TTN: variants seen among roughly 807,000 people sequenced by gnomAD.
TTN encodes titin, also known as connectin.
TTN carries 1,525 observed loss-of-function variants against 3,223.0 expected under a neutral mutation model. The observed-to-expected ratio is 0.47, with a 90% CI of 0.45 to 0.49. The LOEUF is 0.49. Among genes scored for constraint, TTN ranks in the 20% least tolerant of loss-of-function variants. The probability of loss-of-function intolerance (pLI) is 0.00; values close to 1 mark genes in which losing one functional copy is unlikely to be tolerated. For missense variants in TTN, 40,786 were observed against 43,424.0 expected, an observed-to-expected ratio of 0.94 and a Z score of 5.40; for synonymous variants, 14,094 against 15,161.0, an observed-to-expected ratio of 0.93 and a Z score of 5.17.
chr2:178,538,155 G>T, intron 354 of TTN: 2 of 536,722 alleles, frequency 3.7e-6, no homozygotes, highest in South Asian at 2.9e-5. Context: ...GATTGGAAGG[G>T]GATTAATAAT....
At chr2:178,643,407 A>T (rs967218229) in intron 218 of TTN, among the ~76,000 whole-genome samples, 4 of 151,932 alleles carry the variant, frequency 2.6e-5, no homozygotes, top group Admixed American at 1.3e-4. Context: ...AAAGTTAAAC[A>T]TTACGTATTT....
rs548189007 is a variant in TTN at position 178,572,156 on chromosome 2, C to G, written c.73976G>C (p.Gly24659Ala). Residue 24659 changes from glycine (G) to alanine (A), a missense_variant, in exon 326 of 363, where the codon GGC (glycine) becomes GCC (alanine). Transcript: ENST00000589042. ...GGCACACGTGGCCCATTTGTCACTG[C>G]CTTTGGTCTGCATCTCCACAATGTA... ...LGYIVEMQTK[G>A]SDKWATCATV... is the part of the protein sequence containing the mutation. 17 of 1,613,434 alleles carry G rather than the reference C, an allele frequency of 1.1e-5. No homozygotes were observed. The African/African-American group carries it at 1.1e-4, about 10-fold the overall frequency.
rs771927358 is a variant in TTN, at chr2:178,631,307, G to A, written c.43748-7C>T. On this transcript the variant is annotated splice_region_variant and splice_polypyrimidine_tract_variant and intron_variant, in intron 236 of 362. Coordinates refer to ENST00000589042, the MANE Select transcript of TTN (RefSeq NM_001267550.2). Reference sequence around the variant, plus strand: ...GTAAAATATGGGTCTCCCTCTGCAAGTAAAGTATAAGTGAAAAGCTTTTAT... The same window carrying A: ...GTAAAATATGGGTCTCCCTCTGCAAATAAAGTATAAGTGAAAAGCTTTTAT... 76 of 1,599,786 alleles carry A rather than the reference G, an allele frequency of 4.8e-5. No homozygotes were observed. Among genetic ancestry groups the A allele is most frequent in the Non-Finnish European group, 4.0e-5 (47 of 1,175,650 alleles).
At chr2:178,746,978 T>C in intron 47 of TTN, 1 of 1,613,516 alleles carries the variant, frequency 6.2e-7, no homozygotes, top group Non-Finnish European at 8.5e-7. Flanking sequence ...TGGTGTACCG[T>C]CTTCCCTTTC....
chr2:178,792,158 C>T lies in TTN; in HGVS notation c.1576G>A (p.Val526Ile). ...ETEKTFVPKV[V>I]ISAAKAKEQE... ...TCTTTGGCTTTAGCTGCGGAAATTA[C>T]TACCTTTGGTACAAATGTTTTTTCA... Residue 526 changes from valine (V) to isoleucine (I), a missense_variant, in exon 10 of 363, where the codon GTA (valine) becomes ATA (isoleucine). Val to Ile is a conservative substitution (Grantham distance 29). Coordinates refer to ENST00000589042, the MANE Select transcript of TTN (RefSeq NM_001267550.2). 6.2e-7 allele frequency: 1 copy of T among 1,611,510 alleles called. No homozygotes were observed. The highest frequency in any genetic ancestry group is 8.5e-7 in the Non-Finnish European group (1 of 1,179,386).
rs1306678008 is a variant in TTN at position 178,544,286 on chromosome 2, A to G, written c.95943T>C (p.Tyr31981=). The G allele has an allele frequency of 1.2e-6, 2 of 1,613,826 alleles. No individual in the cohort carries two copies. Among genetic ancestry groups the G allele is most frequent in the Admixed American group, 1.7e-5 (1 of 60,012 alleles). The change falls in exon 345 of 363, where the codon TAT becomes TAC. Residue 31981 remains tyrosine, a synonymous_variant. Coordinates refer to ENST00000589042, the MANE Select transcript of TTN (RefSeq NM_001267550.2). ...TVPDLKMGQK[Y]SFRVAAVNVK... The stretch of plus-strand genomic sequence containing the variant: ...CGTTCACGGCAGCAACTCTGAAGGA[A>G]TATTTCTGGCCCATTTTAAGGTCTG...
At chr2:178,536,632 CTTAT>C in intron 356 of TTN, 57 bp from the exon 357 acceptor site, 1 of 1,389,840 alleles carries the variant, frequency 7.2e-7, no homozygotes, top group Non-Finnish European at 9.5e-7. Flanking sequence ...TTTATTAAAG[CTTAT>C]TTTTTTAAAA....
At chr2:178,604,635 G>T (rs1044555017) in intron 281 of TTN, 73 bp downstream of exon 281, 10 of 1,433,008 alleles carry the variant, frequency 7.0e-6, no homozygotes, top group Non-Finnish European at 9.4e-6. Flanking sequence ...AAATTCCAAG[G>T]TTATATTAAA....
At chr2:178,770,757 C>T in intron 34 of TTN, 82 bp from the exon 35 acceptor site, 1 of 1,515,388 alleles carries the variant, frequency 6.6e-7, no homozygotes, top group South Asian at 1.1e-5. Context: ...TCATTGCTTA[C>T]TCACCCTGCA....
In TTN at chr2:178,731,109, A is replaced by T; in HGVS notation, c.17556T>A (p.Ile5852=). ...LQVKFSGTKE[I]TAKWFKDGQE... is the part of the protein sequence containing the mutation. Reference sequence around the variant, plus strand: ...GGCCATCTTTAAACCATTTGGCTGTAATCTCCTTAGTCCCTGAAAATTTAA... The same window carrying T: ...GGCCATCTTTAAACCATTTGGCTGTTATCTCCTTAGTCCCTGAAAATTTAA... The change falls in exon 60 of 363, where the codon ATT becomes ATA. Residue 5852 remains isoleucine (I), a synonymous_variant. Coordinates refer to ENST00000589042, the MANE Select transcript of TTN (RefSeq NM_001267550.2). The T allele has an allele frequency of 6.2e-7, 1 of 1,613,714 alleles. No homozygotes were observed.
chr2:178,677,741 T>A lies in TTN; in HGVS notation c.34171A>T (p.Ile11391Phe). The change falls in exon 146 of 363, where the codon ATT becomes TTT. Residue 11391 changes from isoleucine (I) to phenylalanine (F), a missense_variant. Transcript: ENST00000589042. ...GGAACTTCCTCTTCCTCAGGTGGAA[T>A]TTCCTCTTCTTCAGGTAGAACTTCC... Reference protein sequence around the residue: ...EEEVLPEEEEIPPEEEEVPPE... With the variant: ...EEEVLPEEEEFPPEEEEVPPE... 1 of 1,612,468 alleles carries A rather than the reference T, an allele frequency of 6.2e-7. No homozygotes were observed. Among genetic ancestry groups the A allele is most frequent in the Non-Finnish European group, 8.5e-7 (1 of 1,179,018 alleles).
rs141514650 is a variant in TTN, at chr2:178,682,922, C to T, written c.32888-19G>A. ...GTTACTTCTGAAACAATATTAACAA[C>T]AGGCAGCACTTTACTTTAAAGCACT... On this transcript the variant is annotated intron_variant, in intron 134 of 362. Coordinates refer to ENST00000589042, the MANE Select transcript of TTN (RefSeq NM_001267550.2). 3 of 1,568,592 alleles carry T rather than the reference C, an allele frequency of 1.9e-6. No homozygotes were observed. Among genetic ancestry groups the T allele is most frequent in the East Asian group, 4.5e-5 (2 of 44,294 alleles).
rs1213992233 is a variant in TTN, at chr2:178,620,893, T to C, written c.45717A>G (p.Lys15239=). 1 of 1,612,412 alleles carries C rather than the reference T, an allele frequency of 6.2e-7. No homozygotes were observed. Among genetic ancestry groups the C allele is most frequent in the Non-Finnish European group, 8.5e-7 (1 of 1,179,166 alleles). The change falls in exon 247 of 363, where the codon AAA becomes AAG. Residue 15239 remains lysine (K), a synonymous_variant. Coordinates refer to ENST00000589042, the MANE Select transcript of TTN (RefSeq NM_001267550.2). ...ATATAGCTTCTTCATTTCTGAACCATTTGGCTTTGGCACCTTCAGTATTGA... is the reference window on the plus strand; with the variant it reads ...ATATAGCTTCTTCATTTCTGAACCACTTGGCTTTGGCACCTTCAGTATTGA... ...CEVNTEGAKA[K]WFRNEEAIFD... is the part of the protein sequence containing the mutation.
Position 178,573,019 on chromosome 2 carries a change from C to G in TTN, c.73113G>C (p.Gln24371His). 1.9e-6 allele frequency: 3 copies of G among 1,613,144 alleles called. No homozygotes were observed. Among genetic ancestry groups the G allele is most frequent in the Non-Finnish European group, 2.5e-6 (3 of 1,179,470 alleles). Residue 24371 changes from glutamine to histidine, a missense_variant, in exon 326 of 363, where the codon CAG (glutamine) becomes CAC (histidine). Gln to His is a conservative substitution (Grantham distance 24). Transcript: ENST00000589042. Reference sequence around the variant, plus strand: ...TGAGTCCTGCTGGTGGAGTGACAATCTGCCATTCATCTTCCTCTGGCAGGG... The same window carrying G: ...TGAGTCCTGCTGGTGGAGTGACAATGTGCCATTCATCTTCCTCTGGCAGGG... ...EIALPEEDEW[Q>H]IVTPPAGLKA...
Position 178,689,003 on chromosome 2 carries a change from A to ATTTTTTT in TTN, c.32095+43_32095+49dup, listed in dbSNP as rs35770337. ...AAGCAAGAATTTAACACACTCGAAG[A>ATTTTTTT]TTTTTTTTTTTTTTTTTTTTTTTTG... is the stretch of plus-strand genomic sequence containing the variant. On this transcript the variant is annotated intron_variant, in intron 125 of 362. Transcript: ENST00000589042. The ATTTTTTT allele has an allele frequency of 6.6e-5, 66 of 1,006,784 alleles. 10 individuals carry two copies. The highest frequency in any genetic ancestry group is 2.1e-4 in the South Asian group (15 of 71,580). The allele number at this position is 1,006,784 out of a possible 1,614,324, so 62.4% of individuals were successfully genotyped here. A position where few individuals can be genotyped will look rare whatever the true frequency, so the allele number is the denominator to read the frequency against.
At chr2:178,796,715 G>C (rs2093788808) in intron 6 of TTN, among the ~76,000 whole-genome samples, 1 of 152,034 alleles carries the variant, frequency 6.6e-6, no homozygotes, top group Admixed American at 6.6e-5. Context: ...TTAGTAAATG[G>C]GTTTAATTCA....
In TTN at chr2:178,534,584, C is replaced by T; in HGVS notation, c.102031G>A (p.Gly34011Ser). ...LGTLVYVLLS[G>S]INPFLAETNQ... ...GTTTCAGCCAGGAATGGGTTGATAC[C>T]ACTCAATAGCACATATACCAGTGTT... The change falls in exon 358 of 363, where the codon GGT becomes AGT. Residue 34011 changes from glycine to serine, a missense_variant. Coordinates refer to ENST00000589042, the MANE Select transcript of TTN (RefSeq NM_001267550.2). 1 of 1,613,832 alleles carries T rather than the reference C, an allele frequency of 6.2e-7. No homozygotes were observed. The highest frequency in any genetic ancestry group is 8.5e-7 in the Non-Finnish European group (1 of 1,179,806).
intron 295 of TTN, among the ~76,000 whole-genome samples, chr2:178,594,913 T>C (rs1461554026): frequency 6.6e-6 from 1 of 151,944 alleles, no homozygotes; most frequent in East Asian, 1.9e-4. Flanking sequence ...GTTTTAGAAG[T>C]AGGAAAATAA....
Position 178,774,824 on chromosome 2 carries a change from T to A in TTN, c.6790+97A>T, listed in dbSNP as rs1305832472. On this transcript the variant is annotated intron_variant, in intron 29 of 362. Coordinates refer to ENST00000589042, the MANE Select transcript of TTN (RefSeq NM_001267550.2). ...AAACTTATAGTCAATTTCCAAATAA[T>A]TGTTTCATGAAAGAAAAATTGCATA... 9 of 1,393,986 alleles carry A rather than the reference T, an allele frequency of 6.5e-6. No homozygotes were observed. In the Admixed American group the frequency reaches 1.5e-4, roughly 23 times the overall value. The allele number at this position is 1,393,986 out of a possible 1,614,324, so 86.4% of individuals were successfully genotyped here.
Sources: allele counts gnomAD v4.1 joint callset (sites outside exome capture counted in the v4.1 genomes callset), GRCh38; gene constraint gnomAD v4.1.1; transcripts MANE v1.5; gene names NCBI Gene and HGNC (gene_info 2026-07-23, HGNC 2026-07-21).